The following ZEB1 variants were observed in gnomAD, a reference collection of about 807,000 sequenced individuals.
ZEB1 encodes zinc finger E-box binding homeobox 1.
ZEB1 carries 21 observed loss-of-function variants against 84.9 expected under a neutral mutation model. The observed-to-expected ratio is 0.25, with a 90% CI of 0.18 to 0.36. The LOEUF (loss-of-function observed/expected upper bound fraction) is 0.36. Ranked by LOEUF, ZEB1 falls within the 10% of genes least tolerant of loss-of-function variation. The pLI, the probability that ZEB1 is intolerant of heterozygous loss-of-function variation, is 1.00. For synonymous variants in ZEB1, 420 were observed against 471.1 expected, an observed-to-expected ratio of 0.89 and a Z score of 1.41; for missense variants, 1,104 against 1,330.2, an observed-to-expected ratio of 0.83 and a Z score of 2.65.
At chr10:31,322,595 T>G (rs1049275582) in intron 1 of ZEB1, among the ~76,000 whole-genome samples, 1 of 152,208 alleles carries the variant, frequency 6.6e-6, no homozygotes, top group Non-Finnish European at 1.5e-5. Context: ...TCAAACCTTG[T>G]GTGGTAACTT....
chr10:31,329,117 A>C (rs1396605892), intron 1 of ZEB1, among the ~76,000 whole-genome samples: 2 of 152,102 alleles, frequency 1.3e-5, no homozygotes, highest in African/African-American at 4.8e-5. Flanking sequence ...TGTAACTGCT[A>C]CCACAGTCAA....
At chr10:31,399,555 C>A (rs2051511027) in intron 1 of ZEB1, among the ~76,000 whole-genome samples, 1 of 152,142 alleles carries the variant, frequency 6.6e-6, no homozygotes, top group Non-Finnish European at 1.5e-5. Context: ...CTCCTACAAC[C>A]CTGATCCAAA....
chr10:31,455,843 A>G (rs537113994), intron 1 of ZEB1, among the ~76,000 whole-genome samples: 20 of 152,206 alleles, frequency 1.3e-4, no homozygotes, highest in Admixed American at 5.2e-4. Flanking sequence ...GTGGAAGACA[A>G]TGTGGCGATT....
chr10:31,444,997 A>T (rs1365864099), intron 1 of ZEB1, among the ~76,000 whole-genome samples: 2 of 151,564 alleles, frequency 1.3e-5, no homozygotes, highest in African/African-American at 4.9e-5. Context: ...TCTGTAAATT[A>T]CCTTGGGCAG....
At chr10:31,348,297 C>T (rs2040682156) in intron 1 of ZEB1, among the ~76,000 whole-genome samples, 1 of 152,142 alleles carries the variant, frequency 6.6e-6, no homozygotes, top group African/African-American at 2.4e-5. Context: ...GGTGCAGTGG[C>T]TCACACCTGT....
intron 1 of ZEB1, among the ~76,000 whole-genome samples, chr10:31,425,009 T>C (rs2056744498): frequency 6.6e-6 from 1 of 151,838 alleles, no homozygotes; most frequent in South Asian, 2.1e-4. Flanking sequence ...TTTTTTTAAA[T>C]GGGAAAAAAA....
intron 1 of ZEB1, chr10:31,387,167 C>G: frequency 1.0e-6 from 1 of 985,810 alleles, no homozygotes. Flanking sequence ...AAAGAGGTCC[C>G]TCCTGCACCA....
intron 1 of ZEB1, among the ~76,000 whole-genome samples, chr10:31,457,412 G>GT (rs765487988): frequency 2.0e-4 from 30 of 151,794 alleles, no homozygotes; most frequent in South Asian, 4.2e-4. Flanking sequence ...AGTTTTCACT[G>GT]TTTTTTTTCT....
chr10:31,420,118 T>C (rs2055910792), intron 1 of ZEB1, among the ~76,000 whole-genome samples: 1 of 152,176 alleles, frequency 6.6e-6, no homozygotes, highest in South Asian at 2.1e-4. Context: ...CTATAACACA[T>C]GTGCCCAGGA....
chr10:31,467,724 G>T (rs1363112655), intron 2 of ZEB1, among the ~76,000 whole-genome samples: 1 of 152,184 alleles, frequency 6.6e-6, no homozygotes, highest in East Asian at 1.9e-4. Context: ...ATCTCAAGCA[G>T]GGGAGGAACC....
intron 2 of ZEB1, 116 bp downstream of exon 2, chr10:31,461,353 CAATA>C (rs1175490019): frequency 9.0e-7 from 1 of 1,112,704 alleles, no homozygotes; most frequent in African/African-American, 1.6e-5. Context: ...ATTTGGCTAT[CAATA>C]AATATTAGGT....
intron 4 of ZEB1, among the ~76,000 whole-genome samples, chr10:31,504,097 A>C (rs1432279199): frequency 6.8e-6 from 1 of 146,350 alleles, no homozygotes; most frequent in African/African-American, 2.8e-5. Flanking sequence ...GTTGTGTCTT[A>C]TGTTTAAGTC....
intron 4 of ZEB1, among the ~76,000 whole-genome samples, chr10:31,505,613 T>A (rs1029428230): frequency 6.6e-6 from 1 of 151,968 alleles, no homozygotes. Context: ...TTGTTAGTCT[T>A]CTTTTTCATT....
At chr10:31,409,136 C>T (rs1590952949) in intron 1 of ZEB1, among the ~76,000 whole-genome samples, 1 of 152,260 alleles carries the variant, frequency 6.6e-6, no homozygotes, top group Admixed American at 6.5e-5. Flanking sequence ...CCAACAAACA[C>T]ATGAAAAAAT....
intron 1 of ZEB1, among the ~76,000 whole-genome samples, chr10:31,407,316 A>G (rs771806606): frequency 9.3e-5 from 13 of 139,632 alleles, no homozygotes; most frequent in Admixed American, 3.2e-4. Flanking sequence ...TCATTCTTCA[A>G]TTCCCACCTA....
intron 1 of ZEB1, among the ~76,000 whole-genome samples, chr10:31,395,270 T>G (rs2050499181): frequency 6.6e-6 from 1 of 152,198 alleles, no homozygotes; most frequent in African/African-American, 2.4e-5. Flanking sequence ...CGAGATACTC[T>G]TTTCCTAAAT....
In ZEB1 at chr10:31,528,752, A is replaced by C. The variant is rs1023222803; in HGVS notation, c.*1488A>C. The C allele has an allele frequency of 7.2e-5, 11 of 152,210 alleles. No homozygotes were observed. Among genetic ancestry groups the C allele is most frequent in the African/African-American group, 2.7e-4 (11 of 41,450 alleles). The allele number at this position is 152,210 out of a possible 1,614,324, so 9.4% of individuals were successfully genotyped here. ...AAAATTTGGAAAGTTGATAAGATTT[A>C]AAGTAGAGATGCAATTGGTTCTCCT... On this transcript the variant is annotated 3_prime_UTR_variant, in exon 9 of 9. Transcript: ENST00000424869.
intron 1 of ZEB1, among the ~76,000 whole-genome samples, chr10:31,357,542 T>C (rs549070073): frequency 6.6e-6 from 1 of 152,286 alleles, no homozygotes; most frequent in East Asian, 1.9e-4. Flanking sequence ...TACACTAAGA[T>C]TGAATAACTC....
intron 8 of ZEB1, 73 bp from the exon 9 acceptor site, chr10:31,526,599 T>G: frequency 3.8e-6 from 6 of 1,563,894 alleles, no homozygotes; most frequent in Non-Finnish European, 5.2e-6. Context: ...CAACATGAAG[T>G]ACCCCAAAAA....
Sources: gnomAD v4.1 joint callset for allele counts (sites outside exome capture counted in the v4.1 genomes callset) on GRCh38, gnomAD v4.1.1 for gene constraint, MANE v1.5 for transcripts, NCBI Gene and HGNC (gene_info 2026-07-23, HGNC 2026-07-21) for gene names.